Variants in ESR1 observed in about 807,000 individuals in gnomAD.
ESR1 encodes estrogen receptor 1.
ESR1 carries 12 observed loss-of-function variants against 52.7 expected under a neutral mutation model. The observed-to-expected ratio is 0.23, with a 90% CI of 0.15 to 0.37. The LOEUF is 0.37. Among genes scored for constraint, ESR1 ranks in the 10% least tolerant of loss-of-function variants. The pLI, the probability that ESR1 is intolerant of heterozygous loss-of-function variation, is 1.00. For missense variants in ESR1, 584 were observed against 779.7 expected (o/e 0.75, Z 2.99); for synonymous variants, 305 against 316.8 (o/e 0.96, Z 0.39).
At chr6:151,721,287 G>C (rs759045245) in intron 2 of ESR1, among the ~76,000 whole-genome samples, 1 of 152,184 alleles carries the variant, frequency 6.6e-6, no homozygotes, top group African/African-American at 2.4e-5. Context: ...TAGGGGAGTC[G>C]TAAGTGGTTC....
intron 5 of ESR1, among the ~76,000 whole-genome samples, chr6:152,035,504 C>A (rs2045211873): frequency 6.6e-6 from 1 of 151,972 alleles, no homozygotes; most frequent in Non-Finnish European, 1.5e-5. Context: ...TACATCAATT[C>A]TTGACAAATC....
intron 1 of ESR1, among the ~76,000 whole-genome samples, chr6:151,697,400 T>G (rs954556880): frequency 6.6e-6 from 1 of 152,242 alleles, no homozygotes; most frequent in East Asian, 1.9e-4. Context: ...GTGCCCCATC[T>G]TCCTAACTGT....
intron 3 of ESR1, among the ~76,000 whole-genome samples, chr6:151,898,989 C>A (rs1213772112): frequency 0.011 from 1,595 of 151,782 alleles, 25 homozygotes; most frequent in African/African-American, 0.035. Context: ...GGCAGAGGCG[C>A]CCCTCACCTC....
In ESR1 at chr6:151,669,189, A is replaced by AGAG. The variant is rs774737323; in HGVS notation, n.73+12426_73+12427insGAG. Among the ~76,000 whole-genome samples the AGAG allele has an allele frequency of 2.3e-4, 20 of 87,154 alleles. 1 individual carries two copies. The highest frequency in any genetic ancestry group is 9.5e-4 in the South Asian group (2 of 2,106). 57.2% of individuals were successfully genotyped at this position (87,154 alleles called of 152,430 possible). A position where few individuals can be genotyped will look rare whatever the true frequency, so the allele number is the denominator to read the frequency against. On this transcript the variant is annotated intron_variant and non_coding_transcript_variant, in intron 1 of 2. Coordinates refer to the ESR1 transcript ENST00000473497. ...GAGAGAGAGAGAGAGAGAGAGAGAG[A>AGAG]TGGGAATCCAGGGGAGAACAGAACA... is the stretch of plus-strand genomic sequence containing the variant.
intron 6 of ESR1, among the ~76,000 whole-genome samples, chr6:152,116,345 A>G (rs1038656127): frequency 3.9e-5 from 6 of 152,226 alleles, no homozygotes; most frequent in African/African-American, 1.4e-4. Context: ...GTTGAAAAAG[A>G]GATACTGAGA....
At chr6:152,033,968 A>T (rs1375122821) in intron 5 of ESR1, among the ~76,000 whole-genome samples, 1 of 152,222 alleles carries the variant, frequency 6.6e-6, no homozygotes, top group Non-Finnish European at 1.5e-5. Context: ...GCCATAAAAA[A>T]GGATGAGTTC....
intron 2 of ESR1, among the ~76,000 whole-genome samples, chr6:151,779,353 C>A (rs1161985200): frequency 6.6e-6 from 1 of 152,054 alleles, no homozygotes. Flanking sequence ...ACGGGGAATC[C>A]TTTCCCCATA....
At chr6:151,853,203 A>AAAAAAAAAAAAAG (rs1562478896) in intron 2 of ESR1, among the ~76,000 whole-genome samples, 2 of 149,144 alleles carry the variant, frequency 1.3e-5, no homozygotes, top group African/African-American at 5.0e-5. Flanking sequence ...AAAAAAGAGA[A>AAAAAAAAAAAAAG]AGAAAGAAAG....
At position 152,053,288 on chromosome 6, in the gene ESR1, C is replaced by T. The variant is rs1488542939; in HGVS notation, c.1236-7703C>T. Among the ~76,000 whole-genome samples the T allele has an allele frequency of 1.3e-5, 2 of 152,022 alleles. No homozygotes were observed. On this transcript the variant is annotated intron_variant, in intron 5 of 7. Transcript: ENST00000206249. The surrounding 1 kb of genome is among the most constrained non-coding windows in gnomAD (Gnocchi z 4.1). The stretch of plus-strand genomic sequence containing the variant: ...CATTCAACATCTTGGTCGCTCCTAT[C>T]CAGCCACACCTCTGACCATTCAACC...
At chr6:151,958,475 T>C (rs1393410339) in intron 4 of ESR1, among the ~76,000 whole-genome samples, 1 of 152,230 alleles carries the variant, frequency 6.6e-6, no homozygotes, top group Non-Finnish European at 1.5e-5. Flanking sequence ...GTGTGGTTCC[T>C]GTGTGCCCAT....
At chr6:151,953,646 G>A (rs1388841909) in intron 4 of ESR1, among the ~76,000 whole-genome samples, 2 of 151,894 alleles carry the variant, frequency 1.3e-5, no homozygotes, top group South Asian at 4.2e-4. Context: ...GCTTGAACCC[G>A]GGAGGCAGAG....
At chr6:152,042,747 A>T (rs1042861359) in intron 5 of ESR1, among the ~76,000 whole-genome samples, 7 of 152,194 alleles carry the variant, frequency 4.6e-5, no homozygotes, top group African/African-American at 1.7e-4. Flanking sequence ...AGAATGCAGT[A>T]GGCCTCTTGT....
intron 3 of ESR1, 46 bp from the exon 4 acceptor site, chr6:151,944,127 C>G (rs766295948): frequency 6.4e-7 from 1 of 1,551,062 alleles, no homozygotes; most frequent in Non-Finnish European, 8.9e-7. Context: ...TAAAAGTTTA[C>G]ACGGGAAAAA....
intron 6 of ESR1, among the ~76,000 whole-genome samples, chr6:152,074,116 C>T (rs2048549315): frequency 6.6e-6 from 1 of 152,126 alleles, no homozygotes; most frequent in African/African-American, 2.4e-5. Flanking sequence ...TACATCGACA[C>T]GTCATTATCA....
At chr6:151,816,893 A>T (rs1231596438) in intron 1 of ESR1, among the ~76,000 whole-genome samples, 1 of 152,188 alleles carries the variant, frequency 6.6e-6, no homozygotes, top group African/African-American at 2.4e-5. Context: ...AAACAAAAAC[A>T]AAAACAAAGG....
At chr6:151,772,081 G>T (rs1185090529) in intron 2 of ESR1, among the ~76,000 whole-genome samples, 2 of 152,298 alleles carry the variant, frequency 1.3e-5, no homozygotes, top group Non-Finnish European at 2.9e-5. Flanking sequence ...ACTAACAAAT[G>T]CAACACGCAA....
intron 2 of ESR1, among the ~76,000 whole-genome samples, chr6:151,852,721 C>T (rs1016394614): frequency 6.9e-6 from 1 of 145,264 alleles, no homozygotes; most frequent in South Asian, 2.2e-4. Flanking sequence ...CATAATCCTT[C>T]CCTTATTTCT....
chr6:151,868,986 C>G (rs1318626595), intron 2 of ESR1, among the ~76,000 whole-genome samples: 1 of 152,118 alleles, frequency 6.6e-6, no homozygotes, highest in Non-Finnish European at 1.5e-5. Context: ...GCTTAGTGAA[C>G]CGTCTTTTCT....
chr6:152,002,053 TC>T (rs1013038282), intron 4 of ESR1, among the ~76,000 whole-genome samples: 1 of 151,978 alleles, frequency 6.6e-6, no homozygotes, highest in African/African-American at 2.4e-5. Context: ...CTTGTAAAAC[TC>T]CCGTTTCGAC....
Sources: allele counts gnomAD v4.1 joint callset (sites outside exome capture counted in the v4.1 genomes callset), GRCh38; gene constraint gnomAD v4.1.1; non-coding constraint Gnocchi (gnomAD v3.1); transcripts MANE v1.5; gene names NCBI Gene and HGNC (gene_info 2026-07-23, HGNC 2026-07-21).